FSTL4: variants seen among roughly 807,000 people sequenced by gnomAD.
The protein encoded by FSTL4 is follistatin like 4.
In FSTL4, 28 loss-of-function variants were observed where a neutral mutation model predicts 78.2. The observed-to-expected ratio is 0.36, with a 90% CI of 0.27 to 0.49. FSTL4 has a LOEUF of 0.49. FSTL4 is among the 20% of genes least tolerant of loss of function. The pLI is 0.98. For synonymous variants in FSTL4, 422 were observed against 440.5 expected, an observed-to-expected ratio of 0.96 and a Z score of 0.53; for missense variants, 922 against 1,084.9, an observed-to-expected ratio of 0.85 and a Z score of 2.11.
At chr5:133,233,016 T>C (rs888943446) in intron 8 of FSTL4, among the ~76,000 whole-genome samples, 1 of 152,220 alleles carries the variant, frequency 6.6e-6, no homozygotes, top group African/African-American at 2.4e-5. Flanking sequence ...ACAAGTGATA[T>C]GGTTCCATAC....
chr5:133,233,495 T>G lies in FSTL4; in HGVS notation c.937A>C (p.Thr313Pro). Reference protein sequence around the residue: ...DDSLYITKVTTIHMGNYTCHA... With the variant: ...DDSLYITKVTPIHMGNYTCHA... ...CAGGTGTAATTGCCCATGTGGATGG[T>G]GGTCACCTTGGTGATGTACAGGGAA... Residue 313 changes from threonine to proline, a missense_variant, in exon 8 of 16, where the codon ACC becomes CCC. Thr to Pro is a conservative substitution (Grantham distance 38). Coordinates refer to ENST00000265342, the MANE Select transcript of FSTL4 (RefSeq NM_015082.2). 1 of 1,614,144 alleles carries G rather than the reference T, an allele frequency of 6.2e-7. No individual in the cohort carries two copies. Among genetic ancestry groups the G allele is most frequent in the Non-Finnish European group, 8.5e-7 (1 of 1,179,980 alleles).
the FSTL4 span, among the ~76,000 whole-genome samples, chr5:133,631,895 G>T: frequency 6.6e-6 from 1 of 152,084 alleles, no homozygotes; most frequent in East Asian, 1.9e-4. Flanking sequence ...AAGTAACAGA[G>T]GAACAGAAAA....
chr5:133,429,294 C>T (rs961907354), intron 3 of FSTL4, among the ~76,000 whole-genome samples: 1 of 152,102 alleles, frequency 6.6e-6, no homozygotes, highest in Admixed American at 6.5e-5. Context: ...GTGGGCTGAG[C>T]TCTTACCACA....
At position 133,463,027 on chromosome 5, in the gene FSTL4, G is replaced by A. The variant is rs139739463; in HGVS notation, c.161-62041C>T. On this transcript the variant is annotated intron_variant, in intron 3 of 15. Transcript: ENST00000265342. The stretch of plus-strand genomic sequence containing the variant: ...AAAGCCTGGCTGAGGAATGCCGTGC[G>A]AGGCAGGAAGTCTCTTCTAGGTCTC... Among the ~76,000 whole-genome samples, 203 of 152,258 alleles carry A rather than the reference G, an allele frequency of 1.3e-3. 2 individuals carry two copies. The highest frequency in any genetic ancestry group is 0.012 in the Admixed American group (178 of 15,298).
At chr5:133,461,376 A>C (rs1757588264) in intron 3 of FSTL4, among the ~76,000 whole-genome samples, 1 of 152,210 alleles carries the variant, frequency 6.6e-6, no homozygotes, top group Non-Finnish European at 1.5e-5. Flanking sequence ...GCCTCTTGCA[A>C]GGGACTTAAT....
At chr5:133,241,862 T>G (rs978171212) in intron 7 of FSTL4, among the ~76,000 whole-genome samples, 1 of 152,152 alleles carries the variant, frequency 6.6e-6, no homozygotes, top group Non-Finnish European at 1.5e-5. Flanking sequence ...TGGACCACAC[T>G]CACAGCCATG....
At chr5:133,396,745 C>G (rs1485077499) in intron 4 of FSTL4, among the ~76,000 whole-genome samples, 1 of 152,146 alleles carries the variant, frequency 6.6e-6, no homozygotes, top group Non-Finnish European at 1.5e-5. Flanking sequence ...AAAAAAATGG[C>G]TCTTTGGCAG....
At chr5:133,659,902 A>G in the FSTL4 span, among the ~76,000 whole-genome samples, 6 of 152,182 alleles carry the variant, frequency 3.9e-5, no homozygotes, top group African/African-American at 9.7e-5. Flanking sequence ...AGTTATAGAG[A>G]GAAGAAAGGG....
intron 6 of FSTL4, among the ~76,000 whole-genome samples, chr5:133,308,894 C>T (rs1215823524): frequency 1.3e-5 from 2 of 152,198 alleles, no homozygotes; most frequent in African/African-American, 4.8e-5. Context: ...CCTTTATCTG[C>T]TAGCTGCTCA....
chr5:133,795,247 G>A, the FSTL4 span, among the ~76,000 whole-genome samples: 5 of 152,214 alleles, frequency 3.3e-5, no homozygotes, highest in South Asian at 4.1e-4. Flanking sequence ...GAAGCAATCC[G>A]TCTGCAAACT....
chr5:133,388,538 C>T (rs891292901), intron 4 of FSTL4: 2 of 151,186 alleles, frequency 1.3e-5, no homozygotes, highest in Middle Eastern at 3.2e-3. Context: ...CTGGGCAAGC[C>T]GGTCAGCTGA....
chr5:133,265,597 A>G (rs981538621), intron 6 of FSTL4, among the ~76,000 whole-genome samples: 3 of 152,186 alleles, frequency 2.0e-5, no homozygotes, highest in African/African-American at 7.2e-5. Flanking sequence ...GGTGAAACTA[A>G]ACGTTTGAAA....
At chr5:133,542,300 T>C (rs985680625) in intron 3 of FSTL4, among the ~76,000 whole-genome samples, 1 of 152,210 alleles carries the variant, frequency 6.6e-6, no homozygotes, top group African/African-American at 2.4e-5. Context: ...AAGAGACTTC[T>C]AGTGGCAAAC....
At chr5:133,444,989 C>T (rs1390573767) in intron 3 of FSTL4, among the ~76,000 whole-genome samples, 2 of 152,226 alleles carry the variant, frequency 1.3e-5, no homozygotes, top group East Asian at 3.8e-4. Flanking sequence ...AAGGTGGAGG[C>T]AGCCTCCAAG....
At chr5:133,231,533 G>A (rs957240303) in intron 8 of FSTL4, among the ~76,000 whole-genome samples, 1 of 152,044 alleles carries the variant, frequency 6.6e-6, no homozygotes, top group Non-Finnish European at 1.5e-5. Flanking sequence ...TATATCCTAG[G>A]CACACACATT....
chr5:133,234,236 G>C (rs1030886028), intron 7 of FSTL4, among the ~76,000 whole-genome samples: 1 of 152,174 alleles, frequency 6.6e-6, no homozygotes, highest in Non-Finnish European at 1.5e-5. Context: ...TAGAACTAAA[G>C]GGAAAATGGG....
At chr5:133,284,778 T>C (rs1753092070) in intron 6 of FSTL4, among the ~76,000 whole-genome samples, 1 of 152,244 alleles carries the variant, frequency 6.6e-6, no homozygotes, top group Non-Finnish European at 1.5e-5. Flanking sequence ...GAGAGGATGC[T>C]CGGTGTCAGA....
At chr5:133,615,420 C>T (rs6867824), upstream of FSTL4, among the ~76,000 whole-genome samples, 5 of 152,322 alleles carry the variant, frequency 3.3e-5, no homozygotes, top group South Asian at 4.1e-4. Context: ...GTCTCTCTCC[C>T]GCCTCAGCCT....
At chr5:133,436,911 T>C (rs1283394553) in intron 3 of FSTL4, among the ~76,000 whole-genome samples, 1 of 152,194 alleles carries the variant, frequency 6.6e-6, no homozygotes, top group Non-Finnish European at 1.5e-5. Flanking sequence ...AAAAACTGTA[T>C]TTTGAATTAG....
Sources: allele counts gnomAD v4.1 joint callset (sites outside exome capture counted in the v4.1 genomes callset), GRCh38; gene constraint gnomAD v4.1.1; transcripts MANE v1.5; gene names NCBI Gene and HGNC (gene_info 2026-07-23, HGNC 2026-07-21).